The following FAM3D variants were observed in gnomAD, a reference collection of about 807,000 sequenced individuals.
The protein encoded by FAM3D is FAM3 metabolism regulating signaling molecule D, also known as protein FAM3D.
A neutral mutation model predicts 29.8 loss-of-function variants in FAM3D; 26 were observed. The ratio of observed to expected loss-of-function variants is 0.87; its 90% confidence interval spans 0.64 to 1.21. The LOEUF (loss-of-function observed/expected upper bound fraction) is 1.21. Among genes scored for constraint, FAM3D ranks in the 50% most tolerant of loss-of-function variants. The pLI is 0.00. For synonymous variants in FAM3D, 115 were observed against 102.3 expected, an observed-to-expected ratio of 1.12 and a Z score of -0.75; for missense variants, 253 against 290.9, an observed-to-expected ratio of 0.87 and a Z score of 0.95.
intron 7 of FAM3D, among the ~76,000 whole-genome samples, chr3:58,639,472 TAGGACTCC>T: frequency 6.6e-6 from 1 of 152,210 alleles, no homozygotes; most frequent in Admixed American, 6.5e-5. Flanking sequence ...TGAACATCAG[TAGGACTCC>T]AGGCAGAATG....
At chr3:58,645,439 GT>G (rs1474531972) in intron 5 of FAM3D, 69 bp downstream of exon 5, 38 of 1,294,800 alleles carry the variant, frequency 2.9e-5, no homozygotes, top group Non-Finnish European at 3.9e-5. Context: ...CAGCCTCTGA[GT>G]TTTTTAATGA....
intron 1 of FAM3D, among the ~76,000 whole-genome samples, chr3:58,664,086 CTT>C (rs2066983518): frequency 4.7e-5 from 1 of 21,438 alleles, no homozygotes; most frequent in African/African-American, 8.0e-5. Flanking sequence ...GGCCATAAAG[CTT>C]CTCTCTACCG....
chr3:58,645,274 C>T (rs2066442844), intron 5 of FAM3D, among the ~76,000 whole-genome samples: 1 of 152,134 alleles, frequency 6.6e-6, no homozygotes, highest in African/African-American at 2.4e-5. Flanking sequence ...ATAATATCCC[C>T]ACCTCCCAGG....
rs762460865 is a variant in FAM3D at position 58,635,487 on chromosome 3, C to T, written c.585+807G>A. Among the ~76,000 whole-genome samples, 4 of 152,272 alleles carry T rather than the reference C, an allele frequency of 2.6e-5. No individual in the cohort carries two copies. Among genetic ancestry groups the T allele is most frequent in the Middle Eastern group, 3.4e-3 (1 of 294 alleles). On this transcript the variant is annotated intron_variant, in intron 9 of 9. Coordinates refer to ENST00000358781, the MANE Select transcript of FAM3D (RefSeq NM_138805.3). The surrounding 1 kb of genome is among the most constrained non-coding windows in gnomAD (Gnocchi z 5.2). ...AGATGATGCTGGGCTTCCTGTACTCCCACGCCTCCTCTGTCTTGCCGGTTC... is the reference window on the plus strand; with the variant it reads ...AGATGATGCTGGGCTTCCTGTACTCTCACGCCTCCTCTGTCTTGCCGGTTC...
At chr3:58,653,965 A>T (rs1266244678) in intron 2 of FAM3D, among the ~76,000 whole-genome samples, 184 bp from the exon 3 acceptor site, 1 of 152,190 alleles carries the variant, frequency 6.6e-6, no homozygotes, top group East Asian at 1.9e-4. Context: ...AGTTAGTGAG[A>T]TTGTGATGCC....
intron 6 of FAM3D, among the ~76,000 whole-genome samples, chr3:58,643,144 A>G (rs1219680973): frequency 6.6e-6 from 1 of 152,180 alleles, no homozygotes; most frequent in Non-Finnish European, 1.5e-5. Context: ...CTGCCCCTCC[A>G]GAGAGGCTCA....
At chr3:58,664,970 C>T (rs2067002781) in intron 1 of FAM3D, among the ~76,000 whole-genome samples, 1 of 152,158 alleles carries the variant, frequency 6.6e-6, no homozygotes, top group Non-Finnish European at 1.5e-5. Flanking sequence ...TGCCCCAGCA[C>T]CAGGAAATGT....
At chr3:58,659,483 G>T (rs1380371564) in intron 1 of FAM3D, among the ~76,000 whole-genome samples, 1 of 152,234 alleles carries the variant, frequency 6.6e-6, no homozygotes, top group Non-Finnish European at 1.5e-5. Flanking sequence ...TGAGAAGGTG[G>T]AGCAGTGCAC....
intron 7 of FAM3D, among the ~76,000 whole-genome samples, chr3:58,638,554 C>G (rs1158780084): frequency 1.3e-5 from 2 of 152,110 alleles, no homozygotes; most frequent in Non-Finnish European, 1.5e-5. Flanking sequence ...TTTTCAGGAC[C>G]CAGTGCAGAA....
At chr3:58,655,451 C>T (rs1383839025) in intron 2 of FAM3D, 100 bp downstream of exon 2, 1 of 1,493,054 alleles carries the variant, frequency 6.7e-7, no homozygotes, top group Non-Finnish European at 9.1e-7. Flanking sequence ...GGAATTCGGG[C>T]CTGACCATTT....
At chr3:58,644,145 T>C (rs2066413653) in intron 5 of FAM3D, among the ~76,000 whole-genome samples, 1 of 152,068 alleles carries the variant, frequency 6.6e-6, no homozygotes, top group Non-Finnish European at 1.5e-5. Flanking sequence ...GGTGGGAGAA[T>C]TGTCTTTCTC....
At chr3:58,646,945 G>A (rs1232486091) in intron 4 of FAM3D, among the ~76,000 whole-genome samples, 1 of 152,196 alleles carries the variant, frequency 6.6e-6, no homozygotes, top group Non-Finnish European at 1.5e-5. Flanking sequence ...CTGGTCTATA[G>A]GGAGCTTTTA....
intron 1 of FAM3D, chr3:58,657,856 G>A (rs1256556760): frequency 6.6e-6 from 1 of 152,236 alleles, no homozygotes; most frequent in Non-Finnish European, 1.5e-5. Flanking sequence ...ACCCAAAAGA[G>A]TGTGTTTTCT....
At chr3:58,649,176 G>C in intron 4 of FAM3D, 139 bp downstream of exon 4, 1 of 1,062,796 alleles carries the variant, frequency 9.4e-7, no homozygotes, top group Non-Finnish European at 1.4e-6. Flanking sequence ...AGAGGACTGG[G>C]AAGAATCAGG....
chr3:58,660,983 C>T (rs867367115), intron 1 of FAM3D, among the ~76,000 whole-genome samples: 1 of 152,208 alleles, frequency 6.6e-6, no homozygotes, highest in Non-Finnish European at 1.5e-5. Flanking sequence ...TTGCCCAACT[C>T]AAGCACAAGT....
chr3:58,644,337 G>A (rs1346639364), intron 5 of FAM3D, among the ~76,000 whole-genome samples: 1 of 152,104 alleles, frequency 6.6e-6, no homozygotes. Flanking sequence ...TGAATCATGG[G>A]GGCAGGTCTT....
chr3:58,643,346 A>T (rs2106778095), intron 6 of FAM3D, among the ~76,000 whole-genome samples: 1 of 152,368 alleles, frequency 6.6e-6, no homozygotes, highest in South Asian at 2.1e-4. Context: ...GGTTGTCCCC[A>T]CATCCTCATT....
chr3:58,647,724 G>A (rs2066519952), intron 4 of FAM3D, among the ~76,000 whole-genome samples: 1 of 152,184 alleles, frequency 6.6e-6, no homozygotes, highest in Non-Finnish European at 1.5e-5. Flanking sequence ...CTGGGTTCTG[G>A]CATAGAAGGC....
intron 7 of FAM3D, among the ~76,000 whole-genome samples, chr3:58,638,121 T>C (rs1263078715): frequency 6.6e-6 from 1 of 152,164 alleles, no homozygotes; most frequent in Non-Finnish European, 1.5e-5. Flanking sequence ...CAACCTCAGG[T>C]GATCTGCCTG....
Sources: gnomAD v4.1 joint callset for allele counts (sites outside exome capture counted in the v4.1 genomes callset) on GRCh38, gnomAD v4.1.1 for gene constraint, Gnocchi (gnomAD v3.1) non-coding constraint, MANE v1.5 for transcripts, NCBI Gene and HGNC (gene_info 2026-07-23, HGNC 2026-07-21) for gene names.